The following MAST2 variants were observed in gnomAD, a reference collection of about 807,000 sequenced individuals.
MAST2 encodes microtubule associated serine/threonine kinase 2.
MAST2 carries 70 observed loss-of-function variants against 147.4 expected under a neutral mutation model. The observed-to-expected ratio is 0.47, with a 90% CI of 0.39 to 0.58. The LOEUF (loss-of-function observed/expected upper bound fraction) is 0.58, where lower values mean the gene tolerates loss of function less well. Among genes scored for constraint, MAST2 ranks in the 20% least tolerant of loss-of-function variants. The probability of loss-of-function intolerance (pLI) is 0.00; values close to 1 mark genes in which losing one functional copy is unlikely to be tolerated. For missense variants in MAST2, 2,080 were observed against 2,302.3 expected (o/e 0.90, Z 1.98); for synonymous variants, 869 against 896.8 (o/e 0.97, Z 0.55).
chr1:45,999,771 T>C (rs1182503998), intron 6 of MAST2, among the ~76,000 whole-genome samples: 1 of 152,232 alleles, frequency 6.6e-6, no homozygotes. Flanking sequence ...GGCCTTCTTG[T>C]CTTTCTCCAT....
At chr1:46,012,750 T>C (rs973549134) in intron 10 of MAST2, among the ~76,000 whole-genome samples, 1 of 151,936 alleles carries the variant, frequency 6.6e-6, no homozygotes, top group African/African-American at 2.4e-5. Context: ...ATCCCAGCAC[T>C]TTGGGAGGCC....
intron 3 of MAST2, among the ~76,000 whole-genome samples, chr1:45,864,640 T>C (rs2148099011): frequency 6.6e-6 from 1 of 152,326 alleles, no homozygotes; most frequent in East Asian, 1.9e-4. Flanking sequence ...TTTAAAAACG[T>C]ATGTGGAGTG....
rs77616684 is a variant in MAST2, at chr1:45,973,656, C to T, written c.592+14179C>T. ...AAGGACTAAAGGTACAAGGACTGAACCCTGGGACATTCCAGTTTTCAGAGA... is the reference window on the plus strand; with the variant it reads ...AAGGACTAAAGGTACAAGGACTGAATCCTGGGACATTCCAGTTTTCAGAGA... On this transcript the variant is annotated intron_variant, in intron 5 of 28. Transcript: ENST00000361297. Among the ~76,000 whole-genome samples, 88 of 152,246 alleles carry T rather than the reference C, an allele frequency of 5.8e-4. No homozygotes were observed. The East Asian group carries it at 0.013, about 23-fold the overall frequency.
At chr1:45,967,033 C>G (rs1007482956) in intron 5 of MAST2, among the ~76,000 whole-genome samples, 1 of 151,684 alleles carries the variant, frequency 6.6e-6, no homozygotes, top group East Asian at 1.9e-4. Context: ...TGGCGGAGCA[C>G]GATGGCTCAC....
At chr1:45,957,440 A>C (rs1211148030) in intron 4 of MAST2, among the ~76,000 whole-genome samples, 1 of 152,158 alleles carries the variant, frequency 6.6e-6, no homozygotes, top group Non-Finnish European at 1.5e-5. Context: ...TTTATATTTA[A>C]TATGATTATT....
chr1:45,840,545 A>G (rs1645242134), intron 3 of MAST2, among the ~76,000 whole-genome samples: 2 of 152,224 alleles, frequency 1.3e-5, no homozygotes, highest in Non-Finnish European at 2.9e-5. Flanking sequence ...CTTTAAAATC[A>G]AAATAATATT....
chr1:45,929,230 C>G (rs1249449200), intron 4 of MAST2, among the ~76,000 whole-genome samples: 2 of 151,958 alleles, frequency 1.3e-5, no homozygotes, highest in African/African-American at 2.4e-5. Flanking sequence ...TTTTTTTACC[C>G]TGAAGTACAG....
At chr1:45,950,226 T>C (rs1658734090) in intron 4 of MAST2, among the ~76,000 whole-genome samples, 1 of 151,926 alleles carries the variant, frequency 6.6e-6, no homozygotes, top group African/African-American at 2.4e-5. Flanking sequence ...ATAATAATAA[T>C]AACAGTGGGA....
chr1:45,807,681 G>A lies in MAST2; in HGVS notation c.177+3609G>A, dbSNP rs1570144202. Reference sequence around the variant, plus strand: ...TTCAGCCTCCCCAGTAGCTGGGATTGCAGGCGTCCGCCACCACGCCTGGCT... The same window carrying A: ...TTCAGCCTCCCCAGTAGCTGGGATTACAGGCGTCCGCCACCACGCCTGGCT... On this transcript the variant is annotated intron_variant, in intron 1 of 28. Coordinates refer to ENST00000361297, the MANE Select transcript of MAST2 (RefSeq NM_015112.3). Among the ~76,000 whole-genome samples, 3 of 151,944 alleles carry A rather than the reference G, an allele frequency of 2.0e-5. No homozygotes were observed. In the South Asian group the frequency reaches 6.2e-4, roughly 32 times the overall value.
intron 21 of MAST2, 29 bp from the exon 22 acceptor site, chr1:46,030,578 C>A: frequency 6.3e-7 from 1 of 1,576,618 alleles, no homozygotes; most frequent in East Asian, 2.3e-5. Flanking sequence ...TGCCAGAGCC[C>A]ATCCCCAGCG....
At position 45,889,897 on chromosome 1, in the gene MAST2, G is replaced by A. The variant is rs1305114070; in HGVS notation, c.500+7502G>A. On this transcript the variant is annotated intron_variant, in intron 4 of 28. Transcript: ENST00000361297. ...GCCTCCCAAGTAGCTGGGACTACAGGTGCGCTCCACCACGCTGAGCTAATT... is the reference window on the plus strand; with the variant it reads ...GCCTCCCAAGTAGCTGGGACTACAGATGCGCTCCACCACGCTGAGCTAATT... Among the ~76,000 whole-genome samples the A allele has an allele frequency of 3.3e-5, 5 of 152,096 alleles. No individual in the cohort carries two copies. In the East Asian group the frequency reaches 5.8e-4, roughly 18 times the overall value.
At chr1:45,953,121 A>C (rs1412515365) in intron 4 of MAST2, among the ~76,000 whole-genome samples, 1 of 152,182 alleles carries the variant, frequency 6.6e-6, no homozygotes, top group East Asian at 1.9e-4. Flanking sequence ...GGTTAACTTT[A>C]GACATTGTTG....
intron 16 of MAST2, among the ~76,000 whole-genome samples, chr1:46,026,365 G>A (rs898957250): frequency 3.9e-5 from 6 of 152,174 alleles, no homozygotes; most frequent in African/African-American, 9.7e-5. Flanking sequence ...GCAATATGGC[G>A]ACAGCTTAGA....
At chr1:45,940,620 GA>G (rs1657102555) in intron 4 of MAST2, among the ~76,000 whole-genome samples, 1 of 137,174 alleles carries the variant, frequency 7.3e-6, no homozygotes, top group South Asian at 2.3e-4. Flanking sequence ...GAAGGTTGAG[GA>G]TTTTTTTTTT....
intron 3 of MAST2, among the ~76,000 whole-genome samples, chr1:45,853,110 A>G (rs978360272): frequency 5.3e-5 from 8 of 151,748 alleles, no homozygotes; most frequent in African/African-American, 1.9e-4. Flanking sequence ...TTGTATTTTT[A>G]GTAGAGACAG....
chr1:45,882,466 C>T, intron 4 of MAST2, 71 bp downstream of exon 4: 1 of 1,196,178 alleles, frequency 8.4e-7, no homozygotes, highest in Non-Finnish European at 1.2e-6. Flanking sequence ...ACATTTCCCA[C>T]TATCATGTGG....
chr1:46,034,745 C>T lies in MAST2; in HGVS notation c.4076C>T (p.Pro1359Leu). 1.2e-6 allele frequency: 2 copies of T among 1,613,966 alleles called. No homozygotes were observed. Among genetic ancestry groups the T allele is most frequent in the South Asian group, 1.1e-5 (1 of 91,078 alleles). ...TPSPPPPTASPQRSPSPLSGH... is the reference protein window; with the variant it reads ...TPSPPPPTASLQRSPSPLSGH... ...TCTCCCCCACCCCCAACAGCTTCAC[C>T]TCAGCGGTCCCCATCGCCCCTGTCT... The change falls in exon 29 of 29, where the codon CCT (proline) becomes CTT (leucine). Residue 1359 changes from proline (P) to leucine (L), a missense_variant. Physicochemically the swap from Pro to Leu is moderately conservative, Grantham distance 98. Transcript: ENST00000361297.
At chr1:45,810,404 A>G (rs979938319) in intron 1 of MAST2, among the ~76,000 whole-genome samples, 2 of 152,200 alleles carry the variant, frequency 1.3e-5, no homozygotes, top group Admixed American at 6.5e-5. Context: ...CGTAATATAT[A>G]TAGGGAACTA....
chr1:45,898,837 G>A (rs185474491), intron 4 of MAST2, among the ~76,000 whole-genome samples: 1 of 152,134 alleles, frequency 6.6e-6, no homozygotes, highest in East Asian at 1.9e-4. Context: ...TTTTTTTCAG[G>A]GACTGAGTTG....
Sources: gnomAD v4.1 joint callset for allele counts (sites outside exome capture counted in the v4.1 genomes callset) on GRCh38, gnomAD v4.1.1 for gene constraint, MANE v1.5 for transcripts, NCBI Gene and HGNC (gene_info 2026-07-23, HGNC 2026-07-21) for gene names.